JPH2: variants seen among roughly 807,000 people sequenced by gnomAD.
JPH2 encodes junctophilin 2.
A neutral mutation model predicts 55.9 loss-of-function variants in JPH2; 38 were observed. That is an observed-to-expected ratio of 0.68 (90% CI 0.52 to 0.89). The LOEUF (loss-of-function observed/expected upper bound fraction) is 0.89. JPH2 is among the 40% of genes least tolerant of loss of function. JPH2 has a pLI of 0.00. For synonymous variants in JPH2, 480 were observed against 472.4 expected, an observed-to-expected ratio of 1.02 and a Z score of -0.21; for missense variants, 964 against 1,037.6, an observed-to-expected ratio of 0.93 and a Z score of 0.97.
At chr20:44,128,490 G>A (rs2072292754) in intron 2 of JPH2, among the ~76,000 whole-genome samples, 1 of 152,250 alleles carries the variant, frequency 6.6e-6, no homozygotes, top group African/African-American at 2.4e-5. Flanking sequence ...TGCAGAACAA[G>A]CCTATGGGGC....
At chr20:44,139,140 C>T (rs974094083) in intron 2 of JPH2, among the ~76,000 whole-genome samples, 4 of 152,150 alleles carry the variant, frequency 2.6e-5, no homozygotes, top group South Asian at 2.1e-4. Context: ...GAATCTGGGC[C>T]GGCTTTTTTC....
chr20:44,133,362 T>C (rs2072338371), intron 2 of JPH2, among the ~76,000 whole-genome samples: 1 of 152,002 alleles, frequency 6.6e-6, no homozygotes. Context: ...CATCTATTGG[T>C]ACTAGACCTT....
intron 2 of JPH2, among the ~76,000 whole-genome samples, chr20:44,126,025 C>T (rs553972868): frequency 6.6e-6 from 1 of 151,570 alleles, no homozygotes; most frequent in East Asian, 2.0e-4. Context: ...ACTTGGAAGG[C>T]TGAGGTGGGA....
At chr20:44,123,629 A>G (rs963137046) in intron 2 of JPH2, among the ~76,000 whole-genome samples, 1 of 152,124 alleles carries the variant, frequency 6.6e-6, no homozygotes, top group Non-Finnish European at 1.5e-5. Context: ...TGTGGCTGGG[A>G]GGCTATTGCT....
intron 1 of JPH2, among the ~76,000 whole-genome samples, chr20:44,180,637 T>C (rs948645920): frequency 3.3e-5 from 5 of 152,218 alleles, no homozygotes; most frequent in Admixed American, 6.5e-5. Context: ...AAGTCAACTT[T>C]GGGCTTGATT....
chr20:44,140,778 C>A (rs1001728104), intron 2 of JPH2, among the ~76,000 whole-genome samples: 3 of 151,996 alleles, frequency 2.0e-5, no homozygotes, highest in Non-Finnish European at 2.9e-5. Context: ...CAAGGGTAAT[C>A]GTAGAATAAT....
At position 44,160,513 on chromosome 20, in the gene JPH2, G is replaced by C. The variant is rs1432779166; in HGVS notation, c.380-106C>G. On this transcript the variant is annotated intron_variant, in intron 1 of 5. Transcript: ENST00000372980. The surrounding 1 kb of genome is among the most constrained non-coding windows in gnomAD (Gnocchi z 4.9). ...GGAGTGGGCAAGGCGGGGTGGGACC[G>C]AGAGGCGCAAGGCCGTCTGAGGGTC... 8.3e-7 allele frequency: 1 copy of C among 1,209,958 alleles called. No individual in the cohort carries two copies. The highest frequency in any genetic ancestry group is 1.2e-6 in the Non-Finnish European group (1 of 846,734). The allele number at this position is 1,209,958 out of a possible 1,614,324, so 75.0% of individuals were successfully genotyped here. A position where few individuals can be genotyped will look rare whatever the true frequency, so the allele number is the denominator to read the frequency against.
chr20:44,162,783 T>TACACACACAC (rs1218448060), intron 1 of JPH2, among the ~76,000 whole-genome samples: 1 of 62,076 alleles, frequency 1.6e-5, no homozygotes, highest in East Asian at 3.6e-4. Flanking sequence ...TATATATATA[T>TACACACACAC]ATATACACAC....
intron 2 of JPH2, among the ~76,000 whole-genome samples, chr20:44,143,116 T>C (rs1451291068): frequency 6.6e-6 from 1 of 152,112 alleles, no homozygotes; most frequent in Non-Finnish European, 1.5e-5. Flanking sequence ...TGGAACAGCA[T>C]GTGCAAAGGA....
At chr20:44,132,518 G>A (rs934587757) in intron 2 of JPH2, among the ~76,000 whole-genome samples, 1 of 149,380 alleles carries the variant, frequency 6.7e-6, no homozygotes, top group Admixed American at 6.7e-5. Flanking sequence ...TAGCTCCCTT[G>A]CTCACTGGCT....
intron 1 of JPH2, chr20:44,178,061 AC>A: frequency 1.3e-6 from 1 of 782,234 alleles, no homozygotes; most frequent in Non-Finnish European, 2.4e-6. Context: ...TGGGATTTGA[AC>A]CCAGATCTGC....
rs2072388606 is a variant in JPH2, at chr20:44,134,700, CATTAATATATATT to C, written c.1170-16090_1170-16078del. On this transcript the variant is annotated intron_variant, in intron 2 of 5. Transcript: ENST00000372980. ...TTTATAAATATTATAAATATATATA[CATTAATATATATT>C]ATAAATATATATTTATTATAAATAT... is the stretch of plus-strand genomic sequence containing the variant. Among the ~76,000 whole-genome samples the C allele has an allele frequency of 4.8e-5, 2 of 41,418 alleles. 1 individual carries two copies. Among genetic ancestry groups the C allele is most frequent in the African/African-American group, 2.4e-4 (2 of 8,498 alleles). 27.2% of individuals were successfully genotyped at this position (41,418 alleles called of 152,430 possible).
chr20:44,185,171 T>C (rs965085994), intron 1 of JPH2, among the ~76,000 whole-genome samples: 1 of 152,098 alleles, frequency 6.6e-6, no homozygotes, highest in Non-Finnish European at 1.5e-5. Context: ...CTAGGCTTGG[T>C]GGCATGTGCC....
intron 1 of JPH2, among the ~76,000 whole-genome samples, chr20:44,182,570 T>C (rs1453923790): frequency 6.6e-6 from 1 of 152,204 alleles, no homozygotes; most frequent in African/African-American, 2.4e-5. Flanking sequence ...ATTCTTGCTG[T>C]TCTTCAAACC....
chr20:44,134,038 T>TTTA (rs1555855552), intron 2 of JPH2, among the ~76,000 whole-genome samples: 1 of 18,722 alleles, frequency 5.3e-5, no homozygotes, highest in Non-Finnish European at 8.4e-5. Context: ...AAATATATAT[T>TTTA]TATATATAAA....
At chr20:44,174,403 C>T (rs2072718803) in intron 1 of JPH2, among the ~76,000 whole-genome samples, 1 of 152,202 alleles carries the variant, frequency 6.6e-6, no homozygotes. Flanking sequence ...CCACCCCCAA[C>T]CCTTTTTGCA....
intron 2 of JPH2, among the ~76,000 whole-genome samples, chr20:44,145,952 G>A (rs1184738100): frequency 6.6e-6 from 1 of 152,008 alleles, no homozygotes; most frequent in Non-Finnish European, 1.5e-5. Context: ...AAGACTGAAG[G>A]AAGCACGCTG....
intron 2 of JPH2, among the ~76,000 whole-genome samples, chr20:44,137,939 G>A (rs576935808): frequency 4.6e-5 from 7 of 152,136 alleles, no homozygotes; most frequent in African/African-American, 1.7e-4. Flanking sequence ...AATGATAGGT[G>A]GTACCAGACC....
intron 1 of JPH2, among the ~76,000 whole-genome samples, chr20:44,175,035 T>G (rs890492059): frequency 6.6e-6 from 1 of 152,112 alleles, no homozygotes; most frequent in Non-Finnish European, 1.5e-5. Flanking sequence ...AAAAGTCATA[T>G]GCTCATTGCA....
Sources: allele counts gnomAD v4.1 joint callset (sites outside exome capture counted in the v4.1 genomes callset), GRCh38; gene constraint gnomAD v4.1.1; non-coding constraint Gnocchi (gnomAD v3.1); transcripts MANE v1.5; gene names NCBI Gene and HGNC (gene_info 2026-07-23, HGNC 2026-07-21).